Variants in PTPRM observed in about 807,000 individuals in gnomAD.
The protein encoded by PTPRM is receptor-type tyrosine-protein phosphatase mu.
Under a neutral mutation model 186.7 loss-of-function variants are expected in PTPRM, and 47 were observed. That is an observed-to-expected ratio of 0.25 (90% CI 0.20 to 0.32). The LOEUF (loss-of-function observed/expected upper bound fraction) is 0.32, where lower values mean the gene tolerates loss of function less well. Ranked by LOEUF, PTPRM falls within the 10% of genes least tolerant of loss-of-function variation. PTPRM has a pLI of 1.00. For synonymous variants in PTPRM, 668 were observed against 674.9 expected (o/e 0.99, Z 0.16); for missense variants, 1,494 against 1,865.0 (o/e 0.80, Z 3.66).
intron 2 of PTPRM, among the ~76,000 whole-genome samples, chr18:7,779,473 C>G (rs1341492753): frequency 6.6e-6 from 1 of 152,084 alleles, no homozygotes; most frequent in African/African-American, 2.4e-5. Flanking sequence ...TGTGATGACC[C>G]AGAAAATAGA....
At chr18:8,150,452 G>A (rs531830171) in intron 14 of PTPRM, among the ~76,000 whole-genome samples, 1 of 151,690 alleles carries the variant, frequency 6.6e-6, no homozygotes, top group Non-Finnish European at 1.5e-5. Context: ...ATTGATACTT[G>A]TGTATGCTTC....
rs146809547 is a variant in PTPRM at position 7,907,907 on chromosome 18, T to G, written c.547+1324T>G. Among the ~76,000 whole-genome samples, 1,039 of 151,954 alleles carry G rather than the reference T, an allele frequency of 6.8e-3. 15 individuals are homozygous for G. The highest frequency in any genetic ancestry group is 0.023 in the African/African-American group (965 of 41,376). On this transcript the variant is annotated intron_variant, in intron 4 of 32. Transcript: ENST00000580170. ...CTGTATTCTTTTTTTTTTTTTAACT[T>G]AAGTGTTAGATATTTTAGGTCAATC...
intron 14 of PTPRM, among the ~76,000 whole-genome samples, chr18:8,154,128 A>G (rs758774771): frequency 6.6e-6 from 1 of 152,214 alleles, no homozygotes; most frequent in Non-Finnish European, 1.5e-5. Context: ...TGAGTGGTTT[A>G]TCTTCCAGCT....
chr18:8,209,097 C>T (rs1404550824), intron 14 of PTPRM, among the ~76,000 whole-genome samples: 8 of 152,150 alleles, frequency 5.3e-5, no homozygotes, highest in Admixed American at 4.6e-4. Context: ...CAATGGAGTC[C>T]CGTCGGAAGG....
At chr18:7,975,127 G>A (rs1481894441) in intron 7 of PTPRM, among the ~76,000 whole-genome samples, 8 of 152,202 alleles carry the variant, frequency 5.3e-5, no homozygotes, top group African/African-American at 1.7e-4. Flanking sequence ...AATGCTGGGA[G>A]GATGTGGAGC....
In PTPRM at chr18:7,723,226, A is replaced by C. The variant is rs558229894; in HGVS notation, c.74-50923A>C. 5.3e-5 allele frequency among the ~76,000 whole-genome samples: 8 copies of C among 152,276 alleles called. No homozygotes were observed. The East Asian group carries it at 1.5e-3, about 29-fold the overall frequency. On this transcript the variant is annotated intron_variant, in intron 1 of 32. Coordinates refer to ENST00000580170, the MANE Select transcript of PTPRM (RefSeq NM_001105244.2). ...AGGCTATTAACAGGCTGGTCAGCCCATTCCCAGCGCTGCTGGTATTTTCTT... is the reference window on the plus strand; with the variant it reads ...AGGCTATTAACAGGCTGGTCAGCCCCTTCCCAGCGCTGCTGGTATTTTCTT...
chr18:8,161,677 A>G (rs910348406), intron 14 of PTPRM, among the ~76,000 whole-genome samples: 1 of 152,146 alleles, frequency 6.6e-6, no homozygotes, highest in Middle Eastern at 3.2e-3. Context: ...ACATTTAAAA[A>G]TCTTCTGTCA....
intron 2 of PTPRM, among the ~76,000 whole-genome samples, chr18:7,798,304 G>A (rs1047978242): frequency 3.9e-5 from 6 of 152,090 alleles, no homozygotes; most frequent in Non-Finnish European, 5.9e-5. Flanking sequence ...GCCGGGGTGG[G>A]CAGATCACAG....
chr18:7,625,213 G>C (rs2038032588), intron 1 of PTPRM, among the ~76,000 whole-genome samples: 1 of 152,182 alleles, frequency 6.6e-6, no homozygotes, highest in African/African-American at 2.4e-5. Context: ...TCTCGAATCT[G>C]TTTCCTTTGT....
chr18:8,379,144 T>C, intron 27 of PTPRM, 23 bp from the exon 28 acceptor site: 2 of 1,558,418 alleles, frequency 1.3e-6, no homozygotes, highest in East Asian at 2.3e-5. Context: ...CTTGTCCTCA[T>C]GTTCCTTTCT....
rs542615612 is a variant in PTPRM, at chr18:7,601,853, A to G, written c.73+33962A>G. ...ATCAGTTGCATTGTACCCATTTCAT[A>G]AATTAATCTTGTGCCATTTAATTTG... On this transcript the variant is annotated intron_variant, in intron 1 of 32. Transcript: ENST00000580170. 4.6e-5 allele frequency among the ~76,000 whole-genome samples: 7 copies of G among 152,332 alleles called. No homozygotes were observed. In the East Asian group the frequency reaches 1.4e-3, roughly 29 times the overall value.
chr18:8,243,907 G>A, intron 14 of PTPRM, 151 bp from the exon 15 acceptor site: 1 of 697,702 alleles, frequency 1.4e-6, no homozygotes, highest in Non-Finnish European at 2.3e-6. Flanking sequence ...GCCTGGCAGA[G>A]TGCTTGCCAC....
intron 7 of PTPRM, among the ~76,000 whole-genome samples, chr18:7,980,078 C>T (rs558317717): frequency 6.6e-6 from 1 of 151,854 alleles, no homozygotes; most frequent in South Asian, 2.1e-4. Context: ...CCCCCTTGGC[C>T]GTGCCTGTCT....
chr18:7,947,155 T>C (rs1051461026), intron 5 of PTPRM, among the ~76,000 whole-genome samples: 2 of 152,254 alleles, frequency 1.3e-5, no homozygotes, highest in African/African-American at 4.8e-5. Context: ...GGTACTTTGA[T>C]AGCCGCTCTG....
At chr18:8,160,506 G>A (rs575498664) in intron 14 of PTPRM, among the ~76,000 whole-genome samples, 66 of 152,194 alleles carry the variant, frequency 4.3e-4, no homozygotes, top group Admixed American at 1.1e-3. Context: ...TGCTGCCCAG[G>A]CTGATCTTGA....
At chr18:8,319,302 A>G in intron 22 of PTPRM, 88 bp downstream of exon 22, 1 of 934,054 alleles carries the variant, frequency 1.1e-6, no homozygotes, top group East Asian at 2.6e-5. Flanking sequence ...CTTCAGGAAG[A>G]TATTGCACAT....
chr18:8,299,594 AAC>A (rs201856186), intron 20 of PTPRM, among the ~76,000 whole-genome samples: 3,640 of 151,798 alleles, frequency 0.024, 154 homozygotes, highest in African/African-American at 0.078. Context: ...GTCTCAAAAA[AAC>A]AAAAAAAAAG....
chr18:8,313,019 A>C (rs1167306315), intron 20 of PTPRM, among the ~76,000 whole-genome samples: 1 of 152,230 alleles, frequency 6.6e-6, no homozygotes, highest in Non-Finnish European at 1.5e-5. Flanking sequence ...AACCAATATG[A>C]AATTTTGACT....
chr18:7,830,308 G>A (rs1474161058), intron 2 of PTPRM, among the ~76,000 whole-genome samples: 1 of 152,104 alleles, frequency 6.6e-6, no homozygotes, highest in African/African-American at 2.4e-5. Context: ...TGGTTCAGAG[G>A]TAAGAATGTG....
Sources: gnomAD v4.1 joint callset for allele counts (sites outside exome capture counted in the v4.1 genomes callset) on GRCh38, gnomAD v4.1.1 for gene constraint, MANE v1.5 for transcripts, NCBI Gene and HGNC (gene_info 2026-07-23, HGNC 2026-07-21) for gene names.